ANK3: variants seen among roughly 807,000 people sequenced by gnomAD.
ANK3 encodes ankyrin-3.
In ANK3, 57 loss-of-function variants were observed where a neutral mutation model predicts 370.9. The observed-to-expected ratio is 0.15, with a 90% CI of 0.12 to 0.19. ANK3 has a LOEUF of 0.19. Among genes scored for constraint, ANK3 ranks in the 10% least tolerant of loss-of-function variants. The probability of loss-of-function intolerance (pLI) is 1.00; values close to 1 mark genes in which losing one functional copy is unlikely to be tolerated. For missense variants in ANK3, 4,439 were observed against 5,302.1 expected (o/e 0.84, Z 5.06); for synonymous variants, 1,929 against 1,946.3 (o/e 0.99, Z 0.23).
intron 1 of ANK3, among the ~76,000 whole-genome samples, chr10:60,371,789 T>C (rs1035866903): frequency 6.6e-6 from 1 of 152,172 alleles, no homozygotes; most frequent in Non-Finnish European, 1.5e-5. Flanking sequence ...CTTTCTGGTA[T>C]CCAAACTGAT....
In ANK3 at chr10:60,573,088, C is replaced by CGGAGGA. The variant is rs924323875; in HGVS notation, c.96+42092_96+42097dup. On this transcript the variant is annotated intron_variant, in intron 2 of 43. Coordinates refer to the ANK3 transcript ENST00000373827. ...ATGTGTTGAATGCATCAGGGCATAC[C>CGGAGGA]GGAGGAGGCAGTCGGGAGAGTGATA... 3 of 769,916 alleles carry CGGAGGA rather than the reference C, an allele frequency of 3.9e-6. No homozygotes were observed. In the African/African-American group the frequency reaches 5.7e-5, roughly 15 times the overall value. The allele number at this position is 769,916 out of a possible 1,614,324, so 47.7% of individuals were successfully genotyped here. A position where few individuals can be genotyped will look rare whatever the true frequency, so the allele number is the denominator to read the frequency against.
At chr10:60,249,769 G>C (rs1342714298) in intron 7 of ANK3, among the ~76,000 whole-genome samples, 1 of 152,128 alleles carries the variant, frequency 6.6e-6, no homozygotes, top group Non-Finnish European at 1.5e-5. Context: ...ATCAGTGGCC[G>C]ATACCCCATC....
chr10:60,676,212 G>C (rs6479724), intron 1 of ANK3, among the ~76,000 whole-genome samples: 51,005 of 151,988 alleles, frequency 0.34, 8,755 homozygotes, highest in African/African-American at 0.38. Context: ...TCCATTACTT[G>C]CTCTACTAAA....
At chr10:60,174,417 G>T (rs927730654) in intron 18 of ANK3, among the ~76,000 whole-genome samples, 2 of 152,172 alleles carry the variant, frequency 1.3e-5, no homozygotes, top group African/African-American at 2.4e-5. Context: ...CCATTTGCCT[G>T]CTTTGCAGGG....
chr10:60,141,342 G>C (rs985777709), intron 23 of ANK3, among the ~76,000 whole-genome samples: 1 of 152,096 alleles, frequency 6.6e-6, no homozygotes, highest in Non-Finnish European at 1.5e-5. Flanking sequence ...GAAGTGCAAA[G>C]CAAAGGGAGA....
intron 2 of ANK3, among the ~76,000 whole-genome samples, chr10:60,433,630 C>T (rs1164629570): frequency 6.6e-6 from 1 of 151,982 alleles, no homozygotes; most frequent in East Asian, 1.9e-4. Flanking sequence ...AAAGAAAAAA[C>T]AAATGTTTAA....
chr10:60,200,773 AC>A (rs1284339406), intron 12 of ANK3, among the ~76,000 whole-genome samples: 1 of 152,202 alleles, frequency 6.6e-6, no homozygotes, highest in Non-Finnish European at 1.5e-5. Context: ...ACAAAACACT[AC>A]ATGGGCAACC....
intron 28 of ANK3, among the ~76,000 whole-genome samples, chr10:60,100,869 T>G (rs1245639501): frequency 6.6e-6 from 1 of 152,200 alleles, no homozygotes; most frequent in Non-Finnish European, 1.5e-5. Flanking sequence ...CACTGTCCAG[T>G]AAAAATATAA....
rs556235274 is a variant in ANK3 at position 60,676,360 on chromosome 10, G to C, written c.57+56903C>G. ...TTTTAAAATATGAATTAGACCATCA[G>C]TTTTACATACAAGCTTATTATTCTA... On this transcript the variant is annotated intron_variant, in intron 1 of 43. Transcript: ENST00000373827. Among the ~76,000 whole-genome samples the C allele has an allele frequency of 5.9e-5, 9 of 151,568 alleles. No individual in the cohort carries two copies. In the East Asian group the frequency reaches 1.7e-3, roughly 29 times the overall value.
intron 6 of ANK3, among the ~76,000 whole-genome samples, chr10:60,263,603 T>C (rs1178226533): frequency 6.6e-6 from 1 of 152,204 alleles, no homozygotes; most frequent in Non-Finnish European, 1.5e-5. Flanking sequence ...ATTGATTTCT[T>C]CTGAGGTGGC....
chr10:60,692,517 A>T (rs1237070904), intron 1 of ANK3, among the ~76,000 whole-genome samples: 3 of 152,192 alleles, frequency 2.0e-5, no homozygotes, highest in Non-Finnish European at 4.4e-5. Flanking sequence ...TGGAAGTGTC[A>T]CACATTCTTC....
intron 2 of ANK3, among the ~76,000 whole-genome samples, chr10:60,442,006 C>CCCTGCA: frequency 6.6e-6 from 1 of 152,168 alleles, no homozygotes; most frequent in South Asian, 2.1e-4. Context: ...TTTCAGGACC[C>CCCTGCA]CCTGCAGACC....
At chr10:60,037,023 C>T (rs1380937104) in intron 43 of ANK3, among the ~76,000 whole-genome samples, 2 of 152,202 alleles carry the variant, frequency 1.3e-5, no homozygotes, top group Non-Finnish European at 2.9e-5. Context: ...TCTTCCACTT[C>T]TGCTTCTTTC....
At chr10:60,259,396 A>T (rs1313546180) in intron 7 of ANK3, among the ~76,000 whole-genome samples, 2 of 152,192 alleles carry the variant, frequency 1.3e-5, no homozygotes, top group Admixed American at 6.5e-5. Flanking sequence ...GACCTCATTA[A>T]TTAGGAAAGA....
intron 25 of ANK3, among the ~76,000 whole-genome samples, chr10:60,119,952 T>A (rs1461324994): frequency 2.0e-5 from 3 of 150,956 alleles, no homozygotes; most frequent in Non-Finnish European, 3.0e-5. Context: ...CACAGAAATT[T>A]AAAAAAAAAT....
intron 8 of ANK3, among the ~76,000 whole-genome samples, chr10:60,230,807 TG>T (rs2097229852): frequency 6.6e-6 from 1 of 151,696 alleles, no homozygotes; most frequent in South Asian, 2.1e-4. Flanking sequence ...GAGAATGGCT[TG>T]AACCCAGGAG....
intron 2 of ANK3, among the ~76,000 whole-genome samples, chr10:60,498,437 G>A (rs2075714734): frequency 6.6e-6 from 1 of 151,952 alleles, no homozygotes; most frequent in East Asian, 1.9e-4. Context: ...TGTCACCCAG[G>A]CTGGAGAACA....
chr10:60,053,216 CTG>C (rs897841293), intron 42 of ANK3, among the ~76,000 whole-genome samples: 5 of 152,158 alleles, frequency 3.3e-5, no homozygotes, highest in Non-Finnish European at 5.9e-5. Flanking sequence ...TAAAAGGAAT[CTG>C]TGTTGACGAA....
At position 60,138,984 on chromosome 10, in the gene ANK3, A is replaced by G; in HGVS notation, c.2718T>C (p.Ser906=). 3 of 1,613,898 alleles carry G rather than the reference A, an allele frequency of 1.9e-6. No homozygotes were observed. Among genetic ancestry groups the G allele is most frequent in the Non-Finnish European group, 2.5e-6 (3 of 1,179,892 alleles). ...SLPAEGYMGF[S]LGARSASLRS... ...AGTACCTGGCAGAACGCGCTCCGAG[A>G]CTAAAGCCCATGTAACCCTCTGCAG... Residue 906 remains serine, a synonymous_variant, in exon 24 of 44, where the codon AGT becomes AGC. Transcript: ENST00000280772.
Sources: gnomAD v4.1 joint callset for allele counts (sites outside exome capture counted in the v4.1 genomes callset) on GRCh38, gnomAD v4.1.1 for gene constraint, MANE v1.5 for transcripts, NCBI Gene and HGNC (gene_info 2026-07-23, HGNC 2026-07-21) for gene names.